The following PHTF1 variants were observed in gnomAD, a reference collection of about 807,000 sequenced individuals.
The protein encoded by PHTF1 is putative homeodomain transcription factor 1.
In PHTF1, 88 loss-of-function variants were observed where a neutral mutation model predicts 102.4. The ratio of observed to expected loss-of-function variants is 0.86; its 90% CI spans 0.72 to 1.03. PHTF1 has a LOEUF of 1.03. Ranked by LOEUF, PHTF1 falls within the 50% of genes least tolerant of loss-of-function variation. The pLI is 0.00. For synonymous variants in PHTF1, 289 were observed against 305.2 expected (o/e 0.95, Z 0.55); for missense variants, 814 against 909.5 (o/e 0.89, Z 1.35).
At chr1:113,737,207 C>T (rs1655633350) in intron 5 of PHTF1, among the ~76,000 whole-genome samples, 1 of 152,094 alleles carries the variant, frequency 6.6e-6, no homozygotes, top group African/African-American at 2.4e-5. Context: ...AATTTTTCAC[C>T]TGAATACTGG....
intron 3 of PHTF1, among the ~76,000 whole-genome samples, chr1:113,755,734 T>TCATTAAATC (rs2101734329): frequency 6.6e-6 from 1 of 152,204 alleles, no homozygotes; most frequent in East Asian, 1.9e-4. Context: ...AAAAGGAAGG[T>TCATTAAATC]ATGTATTAAA....
chr1:113,717,782 T>C (rs549669508), intron 7 of PHTF1, among the ~76,000 whole-genome samples: 7 of 152,162 alleles, frequency 4.6e-5, no homozygotes, highest in Middle Eastern at 3.4e-3. Context: ...TGAGACTTAT[T>C]CACTATCACG....
rs938181753 is a variant in PHTF1 at position 113,697,521 on chromosome 1, C to T, written c.*184G>A. The stretch of plus-strand genomic sequence containing the variant: ...AAAGCATGAAAATACAGGTTTTTAG[C>T]ATGCACACCCAGTTGGAAAAGGACT... On this transcript the variant is annotated 3_prime_UTR_variant, in exon 19 of 19. Transcript: ENST00000369604. The T allele has an allele frequency of 1.8e-6, 1 of 545,608 alleles. No homozygotes were observed. Among genetic ancestry groups the T allele is most frequent in the Non-Finnish European group, 3.4e-6 (1 of 298,396 alleles). The allele number at this position is 545,608 out of a possible 1,614,324, so 33.8% of individuals were successfully genotyped here. A position where few individuals can be genotyped will look rare whatever the true frequency, so the allele number is the denominator to read the frequency against.
At chr1:113,734,000 C>T (rs1164539159) in intron 5 of PHTF1, among the ~76,000 whole-genome samples, 1 of 152,200 alleles carries the variant, frequency 6.6e-6, no homozygotes, top group Admixed American at 6.5e-5. Context: ...TGGTTCACAC[C>T]TGTAATCCCA....
At chr1:113,719,436 T>C (rs1456717692) in intron 7 of PHTF1, among the ~76,000 whole-genome samples, 1 of 152,232 alleles carries the variant, frequency 6.6e-6, no homozygotes, top group Non-Finnish European at 1.5e-5. Context: ...AGAAATTTTT[T>C]CCGCCAGATA....
At chr1:113,713,033 C>T (rs1243574776) in intron 8 of PHTF1, among the ~76,000 whole-genome samples, 12 of 152,078 alleles carry the variant, frequency 7.9e-5, no homozygotes, top group Non-Finnish European at 1.6e-4. Flanking sequence ...CCTCGTGATC[C>T]GCCTGTCTCG....
intron 5 of PHTF1, among the ~76,000 whole-genome samples, chr1:113,737,089 T>C (rs900660043): frequency 6.6e-6 from 1 of 152,216 alleles, no homozygotes; most frequent in Non-Finnish European, 1.5e-5. Context: ...ACAATGATCA[T>C]GGCAGTAGAG....
chr1:113,752,385 A>ATTTTTTTTTTTTTTTTT lies in PHTF1; in HGVS notation c.102+5297_102+5313dup, dbSNP rs774522219. 1.7e-4 allele frequency among the ~76,000 whole-genome samples: 8 copies of ATTTTTTTTTTTTTTTTT among 47,888 alleles called. 2 individuals carry two copies. The highest frequency in any genetic ancestry group is 3.0e-4 in the Non-Finnish European group (8 of 26,426). 31.4% of individuals were successfully genotyped at this position (47,888 alleles called of 152,430 possible). ...CTTGCCACATTCATTTGTTACTGTA[A>ATTTTTTTTTTTTTTTTT]TTTTTTTTTTTTTTTTTTTTTTTTT... On this transcript the variant is annotated intron_variant, in intron 3 of 18. Coordinates refer to ENST00000369604, the MANE Select transcript of PHTF1 (RefSeq NM_001323043.2).
chr1:113,709,101 A>G (rs1650662266), intron 11 of PHTF1, among the ~76,000 whole-genome samples: 1 of 152,090 alleles, frequency 6.6e-6, no homozygotes. Context: ...CAAAAAATTT[A>G]AAAATTAGCC....
intron 18 of PHTF1, 106 bp downstream of exon 18, chr1:113,698,148 TAGAAACAC>T: frequency 1.4e-6 from 1 of 695,336 alleles, no homozygotes; most frequent in Non-Finnish European, 2.2e-6. Context: ...ATTTGCATGC[TAGAAACAC>T]ACACACACAC....
At chr1:113,752,816 G>A (rs2797414) in intron 3 of PHTF1, among the ~76,000 whole-genome samples, 96,846 of 152,016 alleles carry the variant, frequency 0.64, 32,141 homozygotes, top group African/African-American at 0.79. Flanking sequence ...TACATTGGCT[G>A]GGACTCCCAG....
chr1:113,734,005 A>C (rs1655092425), intron 5 of PHTF1, among the ~76,000 whole-genome samples: 1 of 152,244 alleles, frequency 6.6e-6, no homozygotes, highest in Non-Finnish European at 1.5e-5. Flanking sequence ...CACACCTGTA[A>C]TCCCAGCACT....
At chr1:113,741,856 T>C (rs1306888224) in intron 3 of PHTF1, among the ~76,000 whole-genome samples, 1 of 152,124 alleles carries the variant, frequency 6.6e-6, no homozygotes, top group African/African-American at 2.4e-5. Flanking sequence ...AATCTCCCCA[T>C]TTTTTTATTT....
intron 5 of PHTF1, among the ~76,000 whole-genome samples, chr1:113,730,948 A>T (rs1364047449): frequency 4.6e-5 from 7 of 152,226 alleles, no homozygotes; most frequent in Non-Finnish European, 8.8e-5. Context: ...TGCTTATATG[A>T]TGTTCCCAGA....
intron 3 of PHTF1, among the ~76,000 whole-genome samples, chr1:113,744,791 G>A (rs1656956310): frequency 6.6e-6 from 1 of 152,028 alleles, no homozygotes; most frequent in African/African-American, 2.4e-5. Context: ...ATACTAAAAT[G>A]CCAAAAATTA....
chr1:113,714,258 A>G (rs1016795393), intron 7 of PHTF1: 9 of 152,232 alleles, frequency 5.9e-5, no homozygotes, highest in African/African-American at 2.2e-4. Flanking sequence ...AGGGAAGAGT[A>G]AAGGGGACTC....
Position 113,710,115 on chromosome 1 carries a change from A to C in PHTF1, c.1269+139T>G, listed in dbSNP as rs913058101. 5 of 669,720 alleles carry C rather than the reference A, an allele frequency of 7.5e-6. No individual in the cohort carries two copies. In the African/African-American group the frequency reaches 9.0e-5, roughly 12 times the overall value. 41.5% of individuals were successfully genotyped at this position (669,720 alleles called of 1,614,324 possible). Reference sequence around the variant, plus strand: ...ACATCTTCACTTATAGACTATGCTCAGTTTCCTCACCTCTAAACTGGGGAT... The same window carrying C: ...ACATCTTCACTTATAGACTATGCTCCGTTTCCTCACCTCTAAACTGGGGAT... On this transcript the variant is annotated intron_variant, in intron 11 of 18. Coordinates refer to ENST00000369604, the MANE Select transcript of PHTF1 (RefSeq NM_001323043.2).
At chr1:113,704,828 AATGTATGT>A (rs753794102) in intron 13 of PHTF1, 31 bp from the exon 14 acceptor site, 23 of 1,461,034 alleles carry the variant, frequency 1.6e-5, no homozygotes, top group Non-Finnish European at 2.0e-5. Context: ...ATCACAGTGA[AATGTATGT>A]ATGTGTCTGT....
chr1:113,756,623 A>C (rs1281679648), intron 3 of PHTF1, among the ~76,000 whole-genome samples: 3 of 152,212 alleles, frequency 2.0e-5, no homozygotes, highest in Non-Finnish European at 4.4e-5. Flanking sequence ...TCTCAAGACT[A>C]TCCAATTACA....
Sources: gnomAD v4.1 joint callset for allele counts (sites outside exome capture counted in the v4.1 genomes callset) on GRCh38, gnomAD v4.1.1 for gene constraint, MANE v1.5 for transcripts, NCBI Gene and HGNC (gene_info 2026-07-23, HGNC 2026-07-21) for gene names.